The following MUC4 variants were observed in gnomAD, a reference collection of about 807,000 sequenced individuals.
MUC4 encodes the protein mucin-4.
In MUC4, 202 loss-of-function variants were observed where a neutral mutation model predicts 257.9. That is an observed-to-expected ratio of 0.78 (90% confidence interval 0.70 to 0.88). MUC4 has a LOEUF of 0.88. MUC4 is among the 40% of genes least tolerant of loss of function. The probability of loss-of-function intolerance (pLI) is 0.00; values close to 1 mark genes in which losing one functional copy is unlikely to be tolerated. For missense variants in MUC4, 5,976 were observed against 6,513.7 expected, an observed-to-expected ratio of 0.92 and a Z score of 2.84; for synonymous variants, 2,351 against 2,757.1, an observed-to-expected ratio of 0.85 and a Z score of 4.62.
intron 2 of MUC4, among the ~76,000 whole-genome samples, 160 bp downstream of exon 2, chr3:195,778,630 G>T (rs144888793): frequency 9.9e-5 from 15 of 152,180 alleles, no homozygotes; most frequent in African/African-American, 3.4e-4. Flanking sequence ...ACAAAGGAGG[G>T]TGAGCCTGTC....
intron 7 of MUC4, among the ~76,000 whole-genome samples, chr3:195,768,011 G>A (rs537584926): frequency 2.1e-4 from 31 of 151,110 alleles, no homozygotes; most frequent in African/African-American, 6.6e-4. Context: ...AGCATGGCCC[G>A]GGAAGGAGGA....
At chr3:195,761,357 G>T (rs935098556) in intron 15 of MUC4, 127 bp downstream of exon 15, 3 of 872,306 alleles carry the variant, frequency 3.4e-6, no homozygotes, top group African/African-American at 1.7e-5. Flanking sequence ...GACAGCCCTG[G>T]GGGGGCACAG....
In MUC4 at chr3:195,788,918, G is replaced by C; in HGVS notation, c.2662C>G (p.Gln888Glu). The C allele has an allele frequency of 6.2e-7, 1 of 1,613,652 alleles. No individual in the cohort carries two copies. The highest frequency in any genetic ancestry group is 1.1e-5 in the South Asian group (1 of 91,050). Residue 888 changes from glutamine to glutamate, a missense_variant, in exon 2 of 25, where the codon CAG becomes GAG. Gln to Glu is a conservative substitution (Grantham distance 29, BLOSUM62 2). This residue lies in a region of MUC4 where 1,583 missense variants were observed against 1,257.4 expected (regional missense o/e 1.26). Coordinates refer to ENST00000463781, the MANE Select transcript of MUC4 (RefSeq NM_018406.7). ...EASTAGRPTGQSSPTSPSASP... is the reference protein window; with the variant it reads ...EASTAGRPTGESSPTSPSASP... Reference sequence around the variant, plus strand: ...GCACTGGGAGAAGTTGGGCTTGACTGTCCTGTCGGTCTCCCTGCAGTGGAG... The same window carrying C: ...GCACTGGGAGAAGTTGGGCTTGACTCTCCTGTCGGTCTCCCTGCAGTGGAG...
chr3:195,762,171 C>G lies in MUC4; in HGVS notation c.14428G>C (p.Val4810Leu). 1 of 1,607,162 alleles carries G rather than the reference C, an allele frequency of 6.2e-7. No homozygotes were observed. The highest frequency in any genetic ancestry group is 1.7e-4 in the Middle Eastern group (1 of 6,050). Reference protein sequence around the residue: ...VSASFDGWATVSVIALSNILH... With the variant: ...VSASFDGWATLSVIALSNILH... ...ATGTTGGAGAGCGCGATCACCGAGA[C>G]GGTGGCCCAGCCGTCGAAGCTGGCC... Residue 4810 changes from valine (V) to leucine (L), a missense_variant, in exon 14 of 25, where the codon GTC (valine) becomes CTC (leucine). Transcript: ENST00000463781.
At chr3:195,802,383 G>GCACCCCTGCTCTCAGCCTCCACCA (rs56008665) in intron 1 of MUC4, among the ~76,000 whole-genome samples, 88,244 of 150,108 alleles carry the variant, frequency 0.59, 26,405 homozygotes, top group East Asian at 0.77. Context: ...CTCGGGTTCC[G>GCACCCCTGCTCTCAGCCTCCACCA]CACCCCTGCT....
Position 195,763,423 on chromosome 3 carries a change from C to A in MUC4, c.14253+10G>T. ...GGAATGCAGGGAGGTTCCCGGCACC[C>A]CTCACTCACCGTGACGGGGCCCAGG... On this transcript the variant is annotated intron_variant, in intron 12 of 24. Transcript: ENST00000463781. The A allele has an allele frequency of 7.1e-7, 1 of 1,405,366 alleles. No individual in the cohort carries two copies. The highest frequency in any genetic ancestry group is 9.3e-7 in the Non-Finnish European group (1 of 1,076,138). The allele number at this position is 1,405,366 out of a possible 1,614,324, so 87.1% of individuals were successfully genotyped here.
chr3:195,778,670 T>A, intron 2 of MUC4, 120 bp downstream of exon 2: 11 of 1,319,838 alleles, frequency 8.3e-6, no homozygotes, highest in Non-Finnish European at 1.1e-5. Context: ...TCCTCCCCTG[T>A]GGGACCTGAC....
At position 195,782,444 on chromosome 3, in the gene MUC4, T is replaced by G. The variant is rs71291873; in HGVS notation, c.9136A>C (p.Thr3046Pro). 3 of 1,446,026 alleles carry G rather than the reference T, an allele frequency of 2.1e-6. No homozygotes were observed. The highest frequency in any genetic ancestry group is 3.6e-5 in the African/African-American group (2 of 55,714). 89.6% of individuals were successfully genotyped at this position (1,446,026 alleles called of 1,614,324 possible). The change falls in exon 2 of 25, where the codon ACT (threonine) becomes CCT (proline). Residue 3046 changes from threonine (T) to proline (P), a missense_variant. Physicochemically the swap from Thr to Pro is conservative, Grantham distance 38 (BLOSUM62 -1). Transcript: ENST00000463781. ...GCGTGACCTGTGGATGCTGAGGAAGTGTCGGTGACAGGAAGCGGGGTGGCG... is the reference window on the plus strand; with the variant it reads ...GCGTGACCTGTGGATGCTGAGGAAGGGTCGGTGACAGGAAGCGGGGTGGCG... ...GHATPLPVTD[T>P]SSASTGHANP... is the part of the protein sequence containing the mutation.
intron 18 of MUC4, among the ~76,000 whole-genome samples, chr3:195,754,887 A>ATGTATG (rs145692848): frequency 1.8e-4 from 11 of 60,910 alleles, no homozygotes; most frequent in South Asian, 1.7e-3. Flanking sequence ...GTATCCATGT[A>ATGTATG]TGTATCCATG....
intron 1 of MUC4, among the ~76,000 whole-genome samples, chr3:195,799,339 C>G (rs1456306494): frequency 2.0e-5 from 3 of 152,020 alleles, no homozygotes; most frequent in Admixed American, 2.0e-4. Flanking sequence ...GATGGAGTTT[C>G]ACTCTTGTTG....
intron 3 of MUC4, among the ~76,000 whole-genome samples, chr3:195,777,875 C>A (rs1578174923): frequency 1.4e-5 from 2 of 144,516 alleles, no homozygotes; most frequent in Non-Finnish European, 3.0e-5. Context: ...CACACCCATA[C>A]CTTCCACACC....
chr3:195,768,065 G>T (rs1348873218), intron 7 of MUC4, among the ~76,000 whole-genome samples: 1 of 152,100 alleles, frequency 6.6e-6, no homozygotes, highest in Non-Finnish European at 1.5e-5. Context: ...GGTGCCTGCT[G>T]CAGAGTGGGG....
Position 195,785,750 on chromosome 3 carries a change from A to C in MUC4, c.5830T>G (p.Ser1944Ala). 1 of 1,490,678 alleles carries C rather than the reference A, an allele frequency of 6.7e-7. No individual in the cohort carries two copies. Among genetic ancestry groups the C allele is most frequent in the Non-Finnish European group, 9.0e-7 (1 of 1,106,836 alleles). The allele number at this position is 1,490,678 out of a possible 1,614,324, so 92.3% of individuals were successfully genotyped here. The change falls in exon 2 of 25, where the codon TCA (serine) becomes GCA (alanine). Residue 1944 changes from serine to alanine, a missense_variant. By Grantham distance (99) the Ser-to-Ala change is moderately conservative. Coordinates refer to ENST00000463781, the MANE Select transcript of MUC4 (RefSeq NM_018406.7). ...TTPLPVTSPS[S>A]ASSGHTTPLP... ...GGGGTGGTGTGACCTGAGGATGCTG[A>C]GGAAGGGCTAGTGACAGGAAGAGGC... is the stretch of plus-strand genomic sequence containing the variant.
intron 7 of MUC4, among the ~76,000 whole-genome samples, chr3:195,767,889 C>CCGCCACCAT (rs1383571846): frequency 7.0e-6 from 1 of 142,004 alleles, no homozygotes; most frequent in Non-Finnish European, 1.5e-5. Flanking sequence ...ACCACCATCA[C>CCGCCACCAT]CACCACCATC....
At chr3:195,766,866 G>T (rs115661203) in intron 7 of MUC4, 115 bp from the exon 8 acceptor site, 8 of 886,032 alleles carry the variant, frequency 9.0e-6, no homozygotes, top group Non-Finnish European at 1.3e-5. Flanking sequence ...AGCTAGGCGG[G>T]CAGTGGGTCA....
At chr3:195,761,210 C>G in intron 15 of MUC4, 93 bp from the exon 16 acceptor site, 1 of 1,259,286 alleles carries the variant, frequency 7.9e-7, no homozygotes, top group Non-Finnish European at 1.1e-6. Flanking sequence ...TGGCTTGGAG[C>G]GGGGCGGTGG....
rs960329535 is a variant in MUC4, at chr3:195,757,915, C to T, written c.14987-587G>A. ...GACAGAGAATAGACGAACGTAATTTCCAGACCATCGTCCTTCAGGGGTGGG... is the reference window on the plus strand; with the variant it reads ...GACAGAGAATAGACGAACGTAATTTTCAGACCATCGTCCTTCAGGGGTGGG... On this transcript the variant is annotated intron_variant, in intron 17 of 24. Coordinates refer to ENST00000463781, the MANE Select transcript of MUC4 (RefSeq NM_018406.7). This position sits in a 1 kb window ranked among gnomAD's most constrained non-coding sequence, Gnocchi z 4.8. 1.1e-4 allele frequency among the ~76,000 whole-genome samples: 17 copies of T among 152,204 alleles called. No individual in the cohort carries two copies. Among genetic ancestry groups the T allele is most frequent in the African/African-American group, 3.9e-4 (16 of 41,444 alleles).
Position 195,790,213 on chromosome 3 carries a change from C to T in MUC4, c.1367G>A (p.Ser456Asn). 6.2e-7 allele frequency: 1 copy of T among 1,614,030 alleles called. No homozygotes were observed. The highest frequency in any genetic ancestry group is 8.5e-7 in the Non-Finnish European group (1 of 1,179,894). The change falls in exon 2 of 25, where the codon AGT becomes AAT. Residue 456 changes from serine (S) to asparagine (N), a missense_variant. By Grantham distance (46) the Ser-to-Asn change is conservative. Coordinates refer to ENST00000463781, the MANE Select transcript of MUC4 (RefSeq NM_018406.7). ...CCGTCCTGTGGTCTCTGCACCTTCA[C>T]TCTGCTGGGTGTGGAAAGCTGTGGA... Reference protein sequence around the residue: ...KISTAFHTQQSEGAETTGRPH... With the variant: ...KISTAFHTQQNEGAETTGRPH...
intron 1 of MUC4, among the ~76,000 whole-genome samples, chr3:195,799,229 C>CTGTGTGTGTGTGTGTGTGTG (rs56897401): frequency 3.3e-5 from 4 of 120,090 alleles, no homozygotes; most frequent in African/African-American, 1.1e-4. Context: ...ATGTGTGACA[C>CTGTGTGTGTGTGTGTGTGTG]TGTGTGTGTG....
Sources: gnomAD v4.1 joint callset for allele counts (sites outside exome capture counted in the v4.1 genomes callset) on GRCh38, gnomAD v4.1.1 for gene constraint, gnomAD v4.1.1 regional missense constraint, Gnocchi (gnomAD v3.1) non-coding constraint, MANE v1.5 for transcripts, NCBI Gene and HGNC (gene_info 2026-07-23, HGNC 2026-07-21) for gene names.